The following RASGRF2 variants were observed in gnomAD, a reference collection of about 807,000 sequenced individuals.
RASGRF2 encodes the protein ras-specific guanine nucleotide-releasing factor 2.
RASGRF2 carries 76 observed loss-of-function variants against 151.0 expected under a neutral mutation model. The ratio of observed to expected loss-of-function variants is 0.50; its 90% CI spans 0.42 to 0.61. The LOEUF (loss-of-function observed/expected upper bound fraction) is 0.61, where lower values mean the gene tolerates loss of function less well. Ranked by LOEUF, RASGRF2 falls within the 20% of genes least tolerant of loss-of-function variation. The probability of loss-of-function intolerance (pLI) is 0.00; values close to 1 mark genes in which losing one functional copy is unlikely to be tolerated. For missense variants in RASGRF2, 1,148 were observed against 1,564.6 expected, an observed-to-expected ratio of 0.73 and a Z score of 4.49; for synonymous variants, 504 against 566.5, an observed-to-expected ratio of 0.89 and a Z score of 1.57.
At chr5:81,062,347 A>G (rs1751469896) in intron 2 of RASGRF2, among the ~76,000 whole-genome samples, 1 of 152,156 alleles carries the variant, frequency 6.6e-6, no homozygotes, top group Non-Finnish European at 1.5e-5. Context: ...TAGATCTTAA[A>G]TTGGTTGACT....
At chr5:81,067,986 T>C (rs1338341999) in intron 2 of RASGRF2, 46 bp from the exon 3 acceptor site, 10 of 1,521,042 alleles carry the variant, frequency 6.6e-6, no homozygotes, top group Non-Finnish European at 8.9e-6. Context: ...GAACTCTATA[T>C]AGTAGAACAA....
At chr5:81,087,464 T>G (rs1752272030) in intron 9 of RASGRF2, 2 of 632,822 alleles carry the variant, frequency 3.2e-6, no homozygotes, top group Non-Finnish European at 5.8e-6. Context: ...CCAGATGAAA[T>G]GTCTCTGATG....
chr5:81,225,761 C>T lies in RASGRF2; in HGVS notation c.3705C>T (p.Leu1235=), dbSNP rs781531831. The T allele has an allele frequency of 3.7e-6, 6 of 1,611,774 alleles. No homozygotes were observed. Among genetic ancestry groups the T allele is most frequent in the Non-Finnish European group, 5.1e-6 (6 of 1,179,538 alleles). Residue 1235 remains leucine, a synonymous_variant, in exon 27 of 27, where the codon CTC becomes CTT. Coordinates refer to ENST00000265080, the MANE Select transcript of RASGRF2 (RefSeq NM_006909.3). The stretch of plus-strand genomic sequence containing the variant: ...TGTCACTAAAAATTGAACCTCGACT[C>T]CCTGCTTGAAGATCTGGCCTTGCCC... ...YELSLKIEPR[L]PA
chr5:81,057,890 G>A (rs1248158300), intron 2 of RASGRF2, among the ~76,000 whole-genome samples: 3 of 151,968 alleles, frequency 2.0e-5, no homozygotes, highest in Non-Finnish European at 2.9e-5. Context: ...CAGCTATTTG[G>A]CAGGCTGAGG....
At chr5:81,086,531 C>T (rs1176686932) in intron 8 of RASGRF2, among the ~76,000 whole-genome samples, 1 of 152,138 alleles carries the variant, frequency 6.6e-6, no homozygotes. Flanking sequence ...AAATGGCCCC[C>T]TAATCTCAAT....
chr5:81,208,269 C>T, intron 21 of RASGRF2, 85 bp from the exon 22 acceptor site: 3 of 1,165,726 alleles, frequency 2.6e-6, no homozygotes, highest in Admixed American at 4.2e-5. Flanking sequence ...TGGAATTTTT[C>T]TAATATTCGT....
chr5:81,162,721 G>A (rs75424399), intron 17 of RASGRF2, among the ~76,000 whole-genome samples: 2,476 of 152,242 alleles, frequency 0.016, 27 homozygotes, highest in Middle Eastern at 0.041. Context: ...CATCCGACAG[G>A]AAAAAAGCAG....
intron 9 of RASGRF2, among the ~76,000 whole-genome samples, chr5:81,092,363 G>A (rs1580304557): frequency 6.6e-6 from 1 of 151,894 alleles, no homozygotes; most frequent in Middle Eastern, 3.4e-3. Context: ...GTATTAATAT[G>A]CTATTTATCT....
chr5:81,102,366 GT>G (rs1752719893), intron 12 of RASGRF2, among the ~76,000 whole-genome samples: 2 of 152,196 alleles, frequency 1.3e-5, no homozygotes, highest in Admixed American at 6.5e-5. Context: ...GTTTGTCTTT[GT>G]TTTGGGTTCT....
In RASGRF2 at chr5:81,171,549, TTGTG is replaced by T. The variant is rs57890623; in HGVS notation, c.2687-8606_2687-8603del. On this transcript the variant is annotated intron_variant, in intron 17 of 26. Transcript: ENST00000265080. ...AATTCAAAGTGTGTTCCTTTTGTGT[TTGTG>T]TGTGTGTGTGTGTGTGTGTATGTGT... is the stretch of plus-strand genomic sequence containing the variant. Among the ~76,000 whole-genome samples, 49 of 150,404 alleles carry T rather than the reference TTGTG, an allele frequency of 3.3e-4. 1 individual carries two copies. Among genetic ancestry groups the T allele is most frequent in the African/African-American group, 5.8e-4 (24 of 41,070 alleles).
rs115407494 is a variant in RASGRF2, at chr5:81,158,057, A to C, written c.2687-22118A>C. Among the ~76,000 whole-genome samples the C allele has an allele frequency of 6.9e-3, 1,055 of 152,336 alleles. 9 individuals are homozygous for C. The highest frequency in any genetic ancestry group is 0.024 in the African/African-American group (1,009 of 41,566). On this transcript the variant is annotated intron_variant, in intron 17 of 26. Transcript: ENST00000265080. ...ACTTCTGTGGAAATGCAAAGGACTC[A>C]AAATAGCCAAACCATCTTGAAAAAA... is the stretch of plus-strand genomic sequence containing the variant.
chr5:81,186,628 A>G (rs558803495), intron 18 of RASGRF2, among the ~76,000 whole-genome samples: 1 of 152,304 alleles, frequency 6.6e-6, no homozygotes, highest in South Asian at 2.1e-4. Flanking sequence ...TATGTTCCCT[A>G]ACACTGTCAT....
intron 2 of RASGRF2, among the ~76,000 whole-genome samples, chr5:81,051,244 A>G (rs1226920724): frequency 6.6e-6 from 1 of 152,164 alleles, no homozygotes; most frequent in Non-Finnish European, 1.5e-5. Flanking sequence ...TTTTGACATT[A>G]GAGTTTTTGA....
intron 2 of RASGRF2, among the ~76,000 whole-genome samples, chr5:81,056,741 C>T (rs544034091): frequency 2.0e-5 from 3 of 152,106 alleles, no homozygotes; most frequent in Admixed American, 6.6e-5. Context: ...TAACGTCTCC[C>T]ATTATTATTG....
chr5:81,219,329 C>T (rs1014404709), intron 25 of RASGRF2, among the ~76,000 whole-genome samples: 3 of 152,144 alleles, frequency 2.0e-5, no homozygotes, highest in African/African-American at 7.2e-5. Context: ...GATCCACCCA[C>T]CTCGGCCTCC....
chr5:81,204,157 A>G (rs1479937554), intron 19 of RASGRF2: 4 of 152,208 alleles, frequency 2.6e-5, no homozygotes, highest in Admixed American at 2.6e-4. Context: ...CGTGGTAGTG[A>G]TGGTGGTGGG....
chr5:81,068,374 A>G (rs961377189), intron 3 of RASGRF2, among the ~76,000 whole-genome samples, 195 bp downstream of exon 3: 1 of 144,538 alleles, frequency 6.9e-6, no homozygotes, highest in Non-Finnish European at 1.5e-5. Context: ...CTACAGGAAC[A>G]TATCAGGATA....
At chr5:81,166,859 G>A (rs528887784) in intron 17 of RASGRF2, among the ~76,000 whole-genome samples, 5 of 152,214 alleles carry the variant, frequency 3.3e-5, no homozygotes, top group South Asian at 4.1e-4. Context: ...GAGCTAAGCC[G>A]ATTTAAAAAT....
intron 16 of RASGRF2, 58 bp from the exon 17 acceptor site, chr5:81,127,016 T>G: frequency 6.4e-7 from 1 of 1,557,744 alleles, no homozygotes; most frequent in East Asian, 2.3e-5. Context: ...ATGATTTTTG[T>G]TACAGAATAT....
Sources: gnomAD v4.1 joint callset for allele counts (sites outside exome capture counted in the v4.1 genomes callset) on GRCh38, gnomAD v4.1.1 for gene constraint, MANE v1.5 for transcripts, NCBI Gene and HGNC (gene_info 2026-07-23, HGNC 2026-07-21) for gene names.